KIF27: variants seen among roughly 807,000 people sequenced by gnomAD.
KIF27 encodes kinesin family member 27.
In KIF27, 84 loss-of-function variants were observed where a neutral mutation model predicts 141.8. The ratio of observed to expected loss-of-function variants is 0.59; its 90% CI spans 0.50 to 0.71. The LOEUF (loss-of-function observed/expected upper bound fraction) is 0.71, where lower values mean the gene tolerates loss of function less well. Among genes scored for constraint, KIF27 ranks in the 30% least tolerant of loss-of-function variants. The pLI, the probability that KIF27 is intolerant of heterozygous loss-of-function variation, is 0.00. For synonymous variants in KIF27, 471 were observed against 569.5 expected (o/e 0.83, Z 2.46); for missense variants, 1,306 against 1,628.4 (o/e 0.80, Z 3.41).
intron 11 of KIF27, 107 bp from the exon 12 acceptor site, chr9:83,870,739 C>T: frequency 1.4e-6 from 2 of 1,420,346 alleles, no homozygotes; most frequent in Non-Finnish European, 1.8e-6. Flanking sequence ...GAGACAAGCT[C>T]TCGCTCTGTC....
At chr9:83,866,898 T>C (rs1950400447) in intron 13 of KIF27, among the ~76,000 whole-genome samples, 1 of 151,936 alleles carries the variant, frequency 6.6e-6, no homozygotes, top group South Asian at 2.1e-4. Flanking sequence ...TGGTTTTTCA[T>C]ATATTCACAG....
At chr9:83,898,348 C>T (rs1040055982) in intron 5 of KIF27, among the ~76,000 whole-genome samples, 13 of 152,028 alleles carry the variant, frequency 8.6e-5, no homozygotes, top group African/African-American at 3.1e-4. Flanking sequence ...ACAAAAGCAG[C>T]CAGATACTGA....
intron 3 of KIF27, among the ~76,000 whole-genome samples, chr9:83,906,669 T>A (rs1563999128): frequency 6.9e-6 from 1 of 144,686 alleles, no homozygotes; most frequent in African/African-American, 2.6e-5. Flanking sequence ...CTTGAGCTCA[T>A]GAGGTTTAGG....
intron 14 of KIF27, among the ~76,000 whole-genome samples, chr9:83,854,454 ATGT>A (rs1463131811): frequency 5.9e-5 from 9 of 152,242 alleles, no homozygotes; most frequent in Admixed American, 6.5e-5. Flanking sequence ...TTCCTATGAA[ATGT>A]TATTAGAAGG....
At chr9:83,911,670 T>C (rs776602716) in intron 2 of KIF27, among the ~76,000 whole-genome samples, 5 of 152,150 alleles carry the variant, frequency 3.3e-5, no homozygotes, top group Admixed American at 6.5e-5. Flanking sequence ...CAGCCTCCAG[T>C]AGCTGGGATT....
rs575630744 is a variant in KIF27 at position 83,834,387 on chromosome 9, G to T, written c.*2614C>A. Among the ~76,000 whole-genome samples the T allele has an allele frequency of 7.2e-5, 11 of 152,130 alleles. No individual in the cohort carries two copies. In the South Asian group the frequency reaches 2.3e-3, roughly 31 times the overall value. ...ATTATTCACGACGTTATTTATATGT[G>T]TGTTTGCATATGTGGCATGAAATGT... is the stretch of plus-strand genomic sequence containing the variant. On this transcript the variant is annotated 3_prime_UTR_variant, in exon 18 of 18. Coordinates refer to ENST00000297814, the MANE Select transcript of KIF27 (RefSeq NM_017576.4).
At position 83,834,746 on chromosome 9, in the gene KIF27, T is replaced by C. The variant is rs926068635; in HGVS notation, c.*2255A>G. 2.0e-5 allele frequency among the ~76,000 whole-genome samples: 3 copies of C among 151,028 alleles called. No homozygotes were observed. The highest frequency in any genetic ancestry group is 4.4e-5 in the Non-Finnish European group (3 of 67,714). On this transcript the variant is annotated 3_prime_UTR_variant, in exon 18 of 18. Transcript: ENST00000297814. ...ATTTATTTATAAATATTGCTGTGCT[T>C]GCTAAGGGCACTGACCTTTGGCCAT...
chr9:83,857,966 G>GTTTTTTTTTTTTTTTTTTGTT, intron 14 of KIF27, among the ~76,000 whole-genome samples: 1 of 123,352 alleles, frequency 8.1e-6, no homozygotes, highest in Non-Finnish European at 1.7e-5. Context: ...AATACTTTGG[G>GTTTTTTTTTTTTTTTTTTGTT]TTTTTTTTTT....
chr9:83,906,096 CT>C (rs201173561), intron 3 of KIF27, among the ~76,000 whole-genome samples: 2 of 152,124 alleles, frequency 1.3e-5, no homozygotes, highest in African/African-American at 4.8e-5. Context: ...TTTTGTAACT[CT>C]TTAATAAAAG....
intron 17 of KIF27, among the ~76,000 whole-genome samples, chr9:83,839,553 C>T (rs1490686570): frequency 1.3e-5 from 2 of 152,166 alleles, no homozygotes; most frequent in African/African-American, 4.8e-5. Flanking sequence ...GAGGGAGGAC[C>T]ATCAAGTGAC....
At position 83,834,762 on chromosome 9, in the gene KIF27, C is replaced by T. The variant is rs934823234; in HGVS notation, c.*2239G>A. Among the ~76,000 whole-genome samples, 4 of 150,264 alleles carry T rather than the reference C, an allele frequency of 2.7e-5. No homozygotes were observed. Among genetic ancestry groups the T allele is most frequent in the African/African-American group, 9.7e-5 (4 of 41,064 alleles). ...TGCTGTGCTTGCTAAGGGCACTGACCTTTGGCCATTATATATATCTATATC... is the reference window on the plus strand; with the variant it reads ...TGCTGTGCTTGCTAAGGGCACTGACTTTTGGCCATTATATATATCTATATC... On this transcript the variant is annotated 3_prime_UTR_variant, in exon 18 of 18. Transcript: ENST00000297814.
intron 5 of KIF27, among the ~76,000 whole-genome samples, chr9:83,895,908 C>T (rs1303084551): frequency 6.6e-6 from 1 of 151,850 alleles, no homozygotes; most frequent in Non-Finnish European, 1.5e-5. Flanking sequence ...AAAAATTAGC[C>T]AGGCATGGTT....
rs1395129722 is a variant in KIF27, at chr9:83,908,657, A to C, written c.299-5T>G. On this transcript the variant is annotated splice_region_variant and splice_polypyrimidine_tract_variant and intron_variant, in intron 2 of 17. Coordinates refer to ENST00000297814, the MANE Select transcript of KIF27 (RefSeq NM_017576.4). ...TTTGGCCCTCCACAACTGAAGCTGA[A>C]AATTTAGAAAAAGAAAGCACATCTG... is the stretch of plus-strand genomic sequence containing the variant. 1.3e-6 allele frequency: 2 copies of C among 1,565,788 alleles called. No individual in the cohort carries two copies. The highest frequency in any genetic ancestry group is 1.7e-6 in the Non-Finnish European group (2 of 1,157,116).
intron 12 of KIF27, 83 bp from the exon 13 acceptor site, chr9:83,867,943 T>C: frequency 7.6e-7 from 1 of 1,320,036 alleles, no homozygotes; most frequent in Admixed American, 2.9e-5. Flanking sequence ...TCAGATTGGC[T>C]GAAATCTCTT....
At chr9:83,883,017 C>T (rs1341753988) in intron 10 of KIF27, among the ~76,000 whole-genome samples, 1 of 151,826 alleles carries the variant, frequency 6.6e-6, no homozygotes, top group East Asian at 1.9e-4. Flanking sequence ...ACCGGGCACA[C>T]CAGAGGTATA....
At chr9:83,881,381 C>T (rs1359991210) in intron 10 of KIF27, among the ~76,000 whole-genome samples, 1 of 152,178 alleles carries the variant, frequency 6.6e-6, no homozygotes, top group Non-Finnish European at 1.5e-5. Context: ...ATGCAGACCA[C>T]AATTAATTAT....
intron 11 of KIF27, among the ~76,000 whole-genome samples, chr9:83,872,255 G>A (rs967218159): frequency 1.3e-5 from 2 of 152,082 alleles, no homozygotes; most frequent in East Asian, 1.9e-4. Context: ...GGCAGAGTAC[G>A]GTGAGCTGAG....
At chr9:83,841,118 C>T (rs1303820045) in intron 17 of KIF27, among the ~76,000 whole-genome samples, 2 of 151,452 alleles carry the variant, frequency 1.3e-5, no homozygotes, top group Admixed American at 6.6e-5. Context: ...TTGCCCAGGT[C>T]GGGGTGCAAT....
At chr9:83,916,885 G>A (rs940868998) in intron 1 of KIF27, among the ~76,000 whole-genome samples, 13 of 151,936 alleles carry the variant, frequency 8.6e-5, no homozygotes, top group African/African-American at 7.3e-5. Context: ...GGACGGTCTC[G>A]ATCTCCTGAC....
Sources: allele counts gnomAD v4.1 joint callset (sites outside exome capture counted in the v4.1 genomes callset), GRCh38; gene constraint gnomAD v4.1.1; transcripts MANE v1.5; gene names NCBI Gene and HGNC (gene_info 2026-07-23, HGNC 2026-07-21).